The following CDH12 variants were observed in gnomAD, a reference collection of about 807,000 sequenced individuals.
CDH12 encodes cadherin-12.
A neutral mutation model predicts 74.1 loss-of-function variants in CDH12; 41 were observed. The observed-to-expected ratio is 0.55, with a 90% CI of 0.43 to 0.72. The LOEUF (loss-of-function observed/expected upper bound fraction) is 0.72, where lower values mean the gene tolerates loss of function less well. Among genes scored for constraint, CDH12 ranks in the 30% least tolerant of loss-of-function variants. The pLI is 0.00. For synonymous variants in CDH12, 399 were observed against 355.0 expected, an observed-to-expected ratio of 1.12 and a Z score of -1.39; for missense variants, 945 against 977.2, an observed-to-expected ratio of 0.97 and a Z score of 0.44.
chr5:21,882,600 CCA>C (rs1752414867), intron 6 of CDH12: 3 of 1,599,018 alleles, frequency 1.9e-6, no homozygotes, highest in Non-Finnish European at 2.6e-6. Context: ...CTTCGGTTAC[CCA>C]CAGTCTTTCG....
chr5:22,670,830 G>T (rs1022965208), intron 1 of CDH12, among the ~76,000 whole-genome samples: 3 of 151,938 alleles, frequency 2.0e-5, no homozygotes, highest in African/African-American at 7.2e-5. Flanking sequence ...CGTTCAAAAT[G>T]AAAATTGCCA....
intron 2 of CDH12, among the ~76,000 whole-genome samples, chr5:22,464,610 T>C (rs1745651013): frequency 6.6e-6 from 1 of 152,118 alleles, no homozygotes; most frequent in South Asian, 2.1e-4. Flanking sequence ...TCCTCAAAGT[T>C]CCCCCATTTC....
At chr5:21,802,066 AATC>A in intron 10 of CDH12, 98 bp downstream of exon 10, 2 of 949,794 alleles carry the variant, frequency 2.1e-6, no homozygotes, top group South Asian at 1.7e-5. Flanking sequence ...TCTATAATTA[AATC>A]ATCATGCAGT....
intron 3 of CDH12, among the ~76,000 whole-genome samples, chr5:22,343,796 G>A (rs576965598): frequency 6.6e-6 from 1 of 152,256 alleles, no homozygotes; most frequent in Admixed American, 6.5e-5. Flanking sequence ...GCACACTGTG[G>A]TTATATTTGA....
chr5:22,102,155 T>G (rs1223601668), intron 4 of CDH12, among the ~76,000 whole-genome samples: 1 of 152,178 alleles, frequency 6.6e-6, no homozygotes, highest in Non-Finnish European at 1.5e-5. Flanking sequence ...AAAACTGTTA[T>G]GTTTGTTTAA....
intron 9 of CDH12, among the ~76,000 whole-genome samples, chr5:21,812,448 A>T (rs1426898206): frequency 6.6e-6 from 1 of 152,132 alleles, no homozygotes; most frequent in Admixed American, 6.6e-5. Flanking sequence ...ACAGTTATTG[A>T]GATACACCTA....
intron 3 of CDH12, among the ~76,000 whole-genome samples, chr5:22,310,111 G>C (rs1223548468): frequency 6.6e-6 from 1 of 151,850 alleles, no homozygotes; most frequent in East Asian, 1.9e-4. Flanking sequence ...TAGCAAATCT[G>C]TATGTTCTGC....
intron 1 of CDH12, among the ~76,000 whole-genome samples, chr5:22,792,735 T>A (rs1306993219): frequency 6.6e-6 from 1 of 152,168 alleles, no homozygotes; most frequent in Non-Finnish European, 1.5e-5. Context: ...TCAAATACAA[T>A]CTCTGACCAA....
chr5:22,276,127 T>C (rs1331950984), intron 3 of CDH12, among the ~76,000 whole-genome samples: 2 of 152,194 alleles, frequency 1.3e-5, no homozygotes, highest in African/African-American at 2.4e-5. Flanking sequence ...CATGTAGACA[T>C]GGATTAACCA....
intron 4 of CDH12, among the ~76,000 whole-genome samples, chr5:22,153,387 T>G (rs1378593131): frequency 6.6e-6 from 1 of 151,788 alleles, no homozygotes; most frequent in East Asian, 1.9e-4. Context: ...ACTCACTGAT[T>G]TCCCATGTAT....
At chr5:22,776,386 C>A (rs1311566061) in intron 1 of CDH12, among the ~76,000 whole-genome samples, 2 of 152,076 alleles carry the variant, frequency 1.3e-5, no homozygotes, top group African/African-American at 2.4e-5. Flanking sequence ...AATAAATGAT[C>A]CCTGTCCGTC....
At chr5:21,861,899 A>AGTGTGT (rs59953319) in intron 6 of CDH12, among the ~76,000 whole-genome samples, 15,221 of 147,758 alleles carry the variant, frequency 0.1, 977 homozygotes, top group African/African-American at 0.17. Flanking sequence ...GGTCATTTCT[A>AGTGTGT]GTGTGTGTGT....
intron 4 of CDH12, among the ~76,000 whole-genome samples, chr5:22,144,825 T>G (rs976872318): frequency 5.3e-5 from 8 of 152,146 alleles, no homozygotes; most frequent in African/African-American, 1.4e-4. Flanking sequence ...TGAATATTAA[T>G]TTAAATTACT....
rs181715428 is a variant in CDH12 at position 22,803,301 on chromosome 5, C to G, written c.-523+49757G>C. 1.8e-4 allele frequency among the ~76,000 whole-genome samples: 27 copies of G among 152,186 alleles called. 1 individual carries two copies. Among genetic ancestry groups the G allele is most frequent in the Admixed American group, 1.4e-3 (22 of 15,286 alleles). ...TCAACTGTGCTGGAAGGGCCTACTA[C>G]TATAATTAAAAATATGCATCATGAA... On this transcript the variant is annotated intron_variant, in intron 1 of 14. Coordinates refer to ENST00000382254, the MANE Select transcript of CDH12 (RefSeq NM_004061.5).
chr5:21,863,929 A>T (rs1465970344), intron 6 of CDH12, among the ~76,000 whole-genome samples: 1 of 152,204 alleles, frequency 6.6e-6, no homozygotes, highest in Non-Finnish European at 1.5e-5. Context: ...TATACATTGC[A>T]TTATGATCTA....
At chr5:22,834,255 C>T (rs1310270569) in intron 1 of CDH12, among the ~76,000 whole-genome samples, 9 of 151,896 alleles carry the variant, frequency 5.9e-5, no homozygotes. Context: ...TATTTGACAG[C>T]CAGGATGCTG....
chr5:22,049,961 T>C (rs1740240127), intron 5 of CDH12, among the ~76,000 whole-genome samples: 1 of 152,130 alleles, frequency 6.6e-6, no homozygotes, highest in Non-Finnish European at 1.5e-5. Flanking sequence ...ATAAAATATA[T>C]CCCATTTTCT....
intron 2 of CDH12, among the ~76,000 whole-genome samples, chr5:22,411,918 C>T (rs1216306338): frequency 6.6e-6 from 1 of 151,894 alleles, no homozygotes; most frequent in Non-Finnish European, 1.5e-5. Flanking sequence ...ATTCTGTTTT[C>T]TCAGTTGTAA....
chr5:22,384,975 TA>T (rs749096171), intron 3 of CDH12, among the ~76,000 whole-genome samples: 2 of 152,188 alleles, frequency 1.3e-5, no homozygotes, highest in Non-Finnish European at 2.9e-5. Context: ...TGTTACAAAA[TA>T]AAAATTATGT....
Sources: gnomAD v4.1 joint callset for allele counts (sites outside exome capture counted in the v4.1 genomes callset) on GRCh38, gnomAD v4.1.1 for gene constraint, MANE v1.5 for transcripts, NCBI Gene and HGNC (gene_info 2026-07-23, HGNC 2026-07-21) for gene names.